KIAA1217: variants seen among roughly 807,000 people sequenced by gnomAD.
The protein encoded by KIAA1217 is KIAA1217.
Under a neutral mutation model 163.9 loss-of-function variants are expected in KIAA1217, and 88 were observed. The observed-to-expected ratio is 0.54, with a 90% CI of 0.45 to 0.64. The LOEUF (loss-of-function observed/expected upper bound fraction) is 0.64, where lower values mean the gene tolerates loss of function less well. Among genes scored for constraint, KIAA1217 ranks in the 30% least tolerant of loss-of-function variants. The pLI, the probability that KIAA1217 is intolerant of heterozygous loss-of-function variation, is 0.00. For missense variants in KIAA1217, 2,372 were observed against 2,475.0 expected (o/e 0.96, Z 0.88); for synonymous variants, 903 against 923.1 (o/e 0.98, Z 0.39).
intron 1 of KIAA1217, among the ~76,000 whole-genome samples, chr10:23,810,573 C>A (rs1836963143): frequency 8.0e-6 from 1 of 125,592 alleles, no homozygotes; most frequent in South Asian, 2.4e-4. Context: ...ATAGTATAAT[C>A]TATATATAAT....
At chr10:23,748,832 T>C (rs2130828301) in intron 1 of KIAA1217, among the ~76,000 whole-genome samples, 1 of 152,246 alleles carries the variant, frequency 6.6e-6, no homozygotes, top group East Asian at 1.9e-4. Flanking sequence ...CTTCATGTAG[T>C]AAAGGCTTTG....
At chr10:23,941,589 T>C (rs1843769361) in intron 1 of KIAA1217, among the ~76,000 whole-genome samples, 1 of 152,194 alleles carries the variant, frequency 6.6e-6, no homozygotes, top group Non-Finnish European at 1.5e-5. Context: ...AAATTGAGGA[T>C]GACCATCTCG....
intron 1 of KIAA1217, among the ~76,000 whole-genome samples, chr10:23,721,588 A>G (rs1025533011): frequency 6.6e-6 from 1 of 152,076 alleles, no homozygotes; most frequent in Non-Finnish European, 1.5e-5. Flanking sequence ...TCTCGGTGAC[A>G]TAAACCAACC....
At chr10:23,852,877 C>CTT (rs1417598078) in intron 1 of KIAA1217, among the ~76,000 whole-genome samples, 9 of 151,684 alleles carry the variant, frequency 5.9e-5, no homozygotes, top group African/African-American at 1.5e-4. Flanking sequence ...TATCCTGAGA[C>CTT]TGCTGAAGTT....
intron 2 of KIAA1217, among the ~76,000 whole-genome samples, chr10:24,125,322 C>CTGTG (rs58143239): frequency 0.14 from 20,723 of 143,578 alleles, 1,616 homozygotes; most frequent in African/African-American, 0.21. Flanking sequence ...ATCCTATGCT[C>CTGTG]TGTGTGTGTG....
chr10:24,387,562 G>A (rs757347253), intron 3 of KIAA1217, among the ~76,000 whole-genome samples: 17 of 152,076 alleles, frequency 1.1e-4, no homozygotes, highest in Non-Finnish European at 2.1e-4. Context: ...AGGGCAATCA[G>A]GCAAGAGAAA....
intron 1 of KIAA1217, among the ~76,000 whole-genome samples, chr10:23,879,794 T>C (rs1283279678): frequency 6.6e-6 from 1 of 151,940 alleles, no homozygotes; most frequent in Non-Finnish European, 1.5e-5. Context: ...ATTTGTGTGC[T>C]CTTGGAAATG....
chr10:23,797,838 C>T (rs532319480), intron 1 of KIAA1217, among the ~76,000 whole-genome samples: 35 of 152,230 alleles, frequency 2.3e-4, no homozygotes, highest in Admixed American at 3.3e-4. Flanking sequence ...CCATATTATT[C>T]CATTATACCA....
intron 2 of KIAA1217, among the ~76,000 whole-genome samples, chr10:24,152,751 A>G (rs1275461100): frequency 6.6e-6 from 1 of 152,164 alleles, no homozygotes; most frequent in Non-Finnish European, 1.5e-5. Context: ...CTCTTTGTAA[A>G]GAAAGATTGT....
At chr10:24,242,204 T>G (rs2073189671) in intron 2 of KIAA1217, among the ~76,000 whole-genome samples, 1 of 152,194 alleles carries the variant, frequency 6.6e-6, no homozygotes, top group East Asian at 1.9e-4. Context: ...ATCCAGATAA[T>G]GAGCATAGTA....
At chr10:24,202,984 G>A (rs574658200) in intron 2 of KIAA1217, among the ~76,000 whole-genome samples, 4 of 152,210 alleles carry the variant, frequency 2.6e-5, no homozygotes, top group Non-Finnish European at 4.4e-5. Context: ...GAGCCCAGGA[G>A]TTCAAGACCA....
intron 2 of KIAA1217, among the ~76,000 whole-genome samples, chr10:24,191,202 C>A (rs966595313): frequency 1.3e-5 from 2 of 152,036 alleles, no homozygotes; most frequent in Admixed American, 1.3e-4. Flanking sequence ...AACAAAAGAT[C>A]AGTCACCTTG....
chr10:24,371,866 T>G (rs1439069306), intron 2 of KIAA1217, among the ~76,000 whole-genome samples: 1 of 152,172 alleles, frequency 6.6e-6, no homozygotes, highest in African/African-American at 2.4e-5. Context: ...ATTTAGTAAT[T>G]CTCTGATTTG....
At chr10:24,533,931 T>G (rs2073533153) in intron 16 of KIAA1217, among the ~76,000 whole-genome samples, 1 of 152,246 alleles carries the variant, frequency 6.6e-6, no homozygotes, top group South Asian at 2.1e-4. Context: ...GTCTATGTCC[T>G]GAGAACTTGT....
chr10:23,999,932 T>C (rs1365845267), intron 1 of KIAA1217, among the ~76,000 whole-genome samples: 2 of 151,980 alleles, frequency 1.3e-5, no homozygotes, highest in Non-Finnish European at 2.9e-5. Context: ...CTGGGGATGT[T>C]GGCACAAGTC....
At chr10:23,894,539 C>G (rs1187682880) in intron 1 of KIAA1217, among the ~76,000 whole-genome samples, 1 of 150,360 alleles carries the variant, frequency 6.7e-6, no homozygotes, top group Non-Finnish European at 1.5e-5. Flanking sequence ...TAGGAAGAAT[C>G]AATATTGTGA....
At chr10:24,115,150 C>A (rs967032402) in intron 2 of KIAA1217, among the ~76,000 whole-genome samples, 1 of 152,196 alleles carries the variant, frequency 6.6e-6, no homozygotes, top group Non-Finnish European at 1.5e-5. Flanking sequence ...TCTTTCCTGT[C>A]CATGAGACCA....
intron 2 of KIAA1217, among the ~76,000 whole-genome samples, chr10:24,307,020 C>A (rs996758377): frequency 1.2e-4 from 18 of 152,196 alleles, no homozygotes; most frequent in African/African-American, 3.6e-4. Flanking sequence ...AGTTTTTAGA[C>A]TGTAGCCGTT....
intron 1 of KIAA1217, among the ~76,000 whole-genome samples, chr10:23,741,999 C>T (rs185738803): frequency 4.6e-4 from 70 of 152,230 alleles, no homozygotes; most frequent in African/African-American, 1.6e-3. Context: ...AAAACCATCA[C>T]TCAATGCTCT....
Sources: allele counts gnomAD v4.1 joint callset (sites outside exome capture counted in the v4.1 genomes callset), GRCh38; gene constraint gnomAD v4.1.1; transcripts MANE v1.5; gene names NCBI Gene and HGNC (gene_info 2026-07-23, HGNC 2026-07-21).